The following PCDH15 variants were observed in gnomAD, a reference collection of about 807,000 sequenced individuals.
The protein encoded by PCDH15 is protocadherin-15.
Under a neutral mutation model 178.5 loss-of-function variants are expected in PCDH15, and 129 were observed. The observed-to-expected ratio is 0.72, with a 90% confidence interval of 0.63 to 0.84. The LOEUF is 0.84. PCDH15 is among the 40% of genes least tolerant of loss of function. The pLI, the probability that PCDH15 is intolerant of heterozygous loss-of-function variation, is 0.00. For synonymous variants in PCDH15, 800 were observed against 732.0 expected (o/e 1.09, Z -1.50); for missense variants, 2,230 against 2,099.9 (o/e 1.06, Z -1.21).
chr10:53,806,487 A>C lies in PCDH15; in HGVS notation c.*92T>G. 2 of 1,126,524 alleles carry C rather than the reference A, an allele frequency of 1.8e-6. No individual in the cohort carries two copies. The highest frequency in any genetic ancestry group is 2.5e-6 in the Non-Finnish European group (2 of 804,724). 69.8% of individuals were successfully genotyped at this position (1,126,524 alleles called of 1,614,324 possible). ...AGTTTTAGCTTGTGTGCATGATATA[A>C]ATTCCATACATTGTTTTCTCAGTGA... On this transcript the variant is annotated 3_prime_UTR_variant, in exon 38 of 38. Coordinates refer to ENST00000644397, the MANE Select transcript of PCDH15 (RefSeq NM_001384140.1).
chr10:55,329,546 A>C (rs1479645135), intron 2 of PCDH15, among the ~76,000 whole-genome samples: 1 of 151,754 alleles, frequency 6.6e-6, no homozygotes, highest in African/African-American at 2.4e-5. Context: ...GGAAATGAGG[A>C]GAAAATTTAC....
intron 2 of PCDH15, among the ~76,000 whole-genome samples, chr10:55,142,033 A>C (rs1838366206): frequency 6.6e-6 from 1 of 152,114 alleles, no homozygotes; most frequent in Admixed American, 6.6e-5. Context: ...TTATCTGCAC[A>C]ATATATGGCA....
chr10:55,052,754 A>G (rs1049779466), intron 2 of PCDH15, among the ~76,000 whole-genome samples: 5 of 151,960 alleles, frequency 3.3e-5, no homozygotes, highest in African/African-American at 1.2e-4. Context: ...ATATGAAAGT[A>G]CATTAACAAA....
intron 2 of PCDH15, among the ~76,000 whole-genome samples, chr10:55,587,539 T>G: frequency 6.6e-6 from 1 of 152,146 alleles, no homozygotes; most frequent in Admixed American, 6.6e-5. Context: ...TAATATTTTA[T>G]TAGTTTAATC....
chr10:54,497,723 A>G (rs2080266669), intron 3 of PCDH15, among the ~76,000 whole-genome samples: 1 of 152,112 alleles, frequency 6.6e-6, no homozygotes, highest in Admixed American at 6.6e-5. Context: ...TGAAGACTGT[A>G]CCTTCTAATT....
intron 21 of PCDH15, among the ~76,000 whole-genome samples, chr10:53,984,593 T>TA (rs2090967351): frequency 6.6e-6 from 1 of 152,228 alleles, no homozygotes; most frequent in Admixed American, 6.5e-5. Flanking sequence ...AAACATATAG[T>TA]AAATCTTGAG....
chr10:54,220,860 ATAAATAAATAAG>A (rs1356825038), intron 9 of PCDH15, among the ~76,000 whole-genome samples: 58 of 148,350 alleles, frequency 3.9e-4, no homozygotes, highest in African/African-American at 1.3e-3. Context: ...AAATAAATAA[ATAAATAAATAAG>A]TAAAATAAAT....
At chr10:53,924,104 G>T (rs568211468) in intron 25 of PCDH15, among the ~76,000 whole-genome samples, 1 of 152,138 alleles carries the variant, frequency 6.6e-6, no homozygotes, top group East Asian at 1.9e-4. Flanking sequence ...CCTTCAGCCC[G>T]CGGCTGCACT....
chr10:53,826,494 C>T (rs2076688153), intron 32 of PCDH15, among the ~76,000 whole-genome samples: 1 of 151,980 alleles, frequency 6.6e-6, no homozygotes, highest in Admixed American at 6.6e-5. Flanking sequence ...CCTTCTACTC[C>T]ATCAAATTCC....
intron 1 of PCDH15, among the ~76,000 whole-genome samples, chr10:55,230,057 C>G (rs1841166528): frequency 6.6e-6 from 1 of 152,004 alleles, no homozygotes; most frequent in Admixed American, 6.6e-5. Flanking sequence ...AACCTAGTGC[C>G]TGTCCCTATA....
At chr10:55,551,511 G>A (rs1842002842) in intron 2 of PCDH15, among the ~76,000 whole-genome samples, 2 of 151,716 alleles carry the variant, frequency 1.3e-5, no homozygotes, top group African/African-American at 4.8e-5. Flanking sequence ...TTGTCAATTT[G>A]AGGAAAAAAC....
At chr10:54,579,155 T>C (rs1415622105) in intron 2 of PCDH15, among the ~76,000 whole-genome samples, 1 of 152,020 alleles carries the variant, frequency 6.6e-6, no homozygotes, top group Non-Finnish European at 1.5e-5. Context: ...AATATTAACC[T>C]TGAATTTACA....
At chr10:55,568,414 A>AT (rs1477287673) in intron 2 of PCDH15, among the ~76,000 whole-genome samples, 4 of 151,936 alleles carry the variant, frequency 2.6e-5, no homozygotes, top group African/African-American at 9.7e-5. Context: ...TGGAGGGAAA[A>AT]TTTTTCAGTT....
intron 3 of PCDH15, among the ~76,000 whole-genome samples, chr10:54,880,657 A>C (rs1053901893): frequency 6.6e-6 from 1 of 151,570 alleles, no homozygotes; most frequent in African/African-American, 2.4e-5. Flanking sequence ...ATGAAAACTG[A>C]CTTCTTATCT....
chr10:54,780,750 AAG>A (rs1950280593), intron 1 of PCDH15, among the ~76,000 whole-genome samples: 1 of 151,246 alleles, frequency 6.6e-6, no homozygotes, highest in Non-Finnish European at 1.5e-5. Flanking sequence ...AAAAAAAAAA[AAG>A]AAAATTCTAG....
chr10:54,756,153 G>T (rs2056724086), intron 1 of PCDH15, among the ~76,000 whole-genome samples: 1 of 151,836 alleles, frequency 6.6e-6, no homozygotes, highest in South Asian at 2.1e-4. Context: ...AGGAGGCTGA[G>T]GCAGGAGAAT....
chr10:55,385,190 T>C (rs894956318), intron 2 of PCDH15, among the ~76,000 whole-genome samples: 1 of 152,104 alleles, frequency 6.6e-6, no homozygotes, highest in Admixed American at 6.6e-5. Flanking sequence ...ATGTCGTATA[T>C]GTAAAACAAG....
intron 2 of PCDH15, among the ~76,000 whole-genome samples, chr10:55,615,578 G>T (rs1843456303): frequency 6.6e-6 from 1 of 152,058 alleles, no homozygotes; most frequent in Non-Finnish European, 1.5e-5. Flanking sequence ...AAATTTATCA[G>T]AAGAAAATAA....
Position 54,739,193 on chromosome 10 carries a change from C to T in PCDH15, c.-29+61732G>A, listed in dbSNP as rs186843047. ...AAAACCTAAGGATTCCACTAGAAAC[C>T]GTTAGAACTGATCCATGAATTCAGT... On this transcript the variant is annotated intron_variant, in intron 1 of 37. Transcript: ENST00000644397. Among the ~76,000 whole-genome samples the T allele has an allele frequency of 4.0e-5, 6 of 151,486 alleles. No homozygotes were observed. In the East Asian group the frequency reaches 7.8e-4, roughly 20 times the overall value.
Sources: gnomAD v4.1 joint callset for allele counts (sites outside exome capture counted in the v4.1 genomes callset) on GRCh38, gnomAD v4.1.1 for gene constraint, MANE v1.5 for transcripts, NCBI Gene and HGNC (gene_info 2026-07-23, HGNC 2026-07-21) for gene names.